Variants in NOX4 observed in about 807,000 individuals in gnomAD.
The protein encoded by NOX4 is kidney oxidase-1.
NOX4 carries 69 observed loss-of-function variants against 87.6 expected under a neutral mutation model. That is an observed-to-expected ratio of 0.79 (90% CI 0.65 to 0.96). The LOEUF (loss-of-function observed/expected upper bound fraction) is 0.96. Among genes scored for constraint, NOX4 ranks in the 40% least tolerant of loss-of-function variants. The pLI is 0.00. For missense variants in NOX4, 680 were observed against 681.5 expected (o/e 1.00, Z 0.02); for synonymous variants, 275 against 238.2 (o/e 1.15, Z -1.42).
chr11:89,351,305 G>C (rs1351950509), intron 13 of NOX4, among the ~76,000 whole-genome samples: 3 of 152,220 alleles, frequency 2.0e-5, no homozygotes, highest in Non-Finnish European at 2.9e-5. Flanking sequence ...TCTGAAGCTA[G>C]AAGAAGTGGT....
intron 2 of NOX4, among the ~76,000 whole-genome samples, chr11:89,469,215 T>A (rs1945827466): frequency 6.6e-6 from 1 of 152,136 alleles, no homozygotes; most frequent in South Asian, 2.1e-4. Flanking sequence ...TAAGGGAACA[T>A]AAGATGATAT....
intron 11 of NOX4, among the ~76,000 whole-genome samples, chr11:89,390,763 C>T (rs761611150): frequency 3.9e-5 from 6 of 152,086 alleles, no homozygotes; most frequent in East Asian, 1.9e-4. Context: ...CCACAAATTG[C>T]GTCTATTTGT....
chr11:89,415,080 T>G (rs1942686172), intron 8 of NOX4, among the ~76,000 whole-genome samples: 1 of 152,020 alleles, frequency 6.6e-6, no homozygotes, highest in South Asian at 2.1e-4. Flanking sequence ...TTACTTAATT[T>G]AATCTTTCAT....
chr11:89,460,574 C>T (rs909223198), intron 2 of NOX4, among the ~76,000 whole-genome samples: 5 of 152,154 alleles, frequency 3.3e-5, no homozygotes, highest in Non-Finnish European at 7.3e-5. Context: ...TCATCACTGG[C>T]CATCAGAGAA....
chr11:89,434,651 T>C (rs934166620), intron 6 of NOX4, among the ~76,000 whole-genome samples: 1 of 152,040 alleles, frequency 6.6e-6, no homozygotes, highest in Non-Finnish European at 1.5e-5. Context: ...CAAAGACTTG[T>C]TTAAGAATGT....
intron 8 of NOX4, among the ~76,000 whole-genome samples, chr11:89,405,699 C>G (rs928135882): frequency 4.8e-5 from 7 of 146,478 alleles, no homozygotes. Flanking sequence ...TGAAAGTTCA[C>G]TGGAAGGCAG....
intron 8 of NOX4, among the ~76,000 whole-genome samples, chr11:89,408,164 G>T (rs2135213692): frequency 1.3e-5 from 2 of 152,148 alleles, no homozygotes; most frequent in South Asian, 2.1e-4. Context: ...AAAGTCAAGG[G>T]TTTATCCTGC....
intron 6 of NOX4, 45 bp from the exon 7 acceptor site, chr11:89,432,901 G>C: frequency 7.7e-7 from 1 of 1,293,160 alleles, no homozygotes; most frequent in East Asian, 2.4e-5. Context: ...ATCATAGTGA[G>C]AAAAAAATAC....
chr11:89,451,729 G>C (rs959384367), intron 3 of NOX4, 56 bp downstream of exon 3: 4 of 1,171,604 alleles, frequency 3.4e-6, no homozygotes, highest in Non-Finnish European at 3.9e-6. Flanking sequence ...ACTAACATGC[G>C]ACTGTTACAC....
chr11:89,422,593 T>A (rs77722659), intron 7 of NOX4, among the ~76,000 whole-genome samples: 5,454 of 152,150 alleles, frequency 0.036, 322 homozygotes, highest in African/African-American at 0.12. Flanking sequence ...TCATATATCC[T>A]GGGTGGATTT....
chr11:89,564,158 C>T, the NOX4 span, among the ~76,000 whole-genome samples: 10 of 152,064 alleles, frequency 6.6e-5, no homozygotes, highest in African/African-American at 2.4e-4. Context: ...AATTGCAAAT[C>T]CTGAACTGTA....
rs780342497 is a variant in NOX4, at chr11:89,449,431, C to T, written c.349+9G>A. The T allele has an allele frequency of 3.8e-6, 6 of 1,569,018 alleles. No homozygotes were observed. The Middle Eastern group carries it at 5.1e-4, about 133-fold the overall frequency. On this transcript the variant is annotated intron_variant, in intron 4 of 17. Coordinates refer to ENST00000263317, the MANE Select transcript of NOX4 (RefSeq NM_016931.5). ...TAACAAATTATTTAATATCTTGTGG[C>T]TTTCTCACCTGAGAAAATACAGATA... is the stretch of plus-strand genomic sequence containing the variant.
chr11:89,543,474 G>A, the NOX4 span, among the ~76,000 whole-genome samples: 2 of 151,912 alleles, frequency 1.3e-5, no homozygotes, highest in Non-Finnish European at 2.9e-5. Flanking sequence ...AGAGAAGACT[G>A]GATTTTAGCT....
rs1049962970 is a variant in NOX4, at chr11:89,325,659, A to T, written c.*1097T>A. The T allele has an allele frequency of 1.3e-5, 2 of 152,080 alleles. No homozygotes were observed. Among genetic ancestry groups the T allele is most frequent in the African/African-American group, 4.8e-5 (2 of 41,412 alleles). The allele number at this position is 152,080 out of a possible 1,614,324, so 9.4% of individuals were successfully genotyped here. A position where few individuals can be genotyped will look rare whatever the true frequency, so the allele number is the denominator to read the frequency against. The stretch of plus-strand genomic sequence containing the variant: ...TAAAATACAGGTTTTACTGTTCAGG[A>T]ATATGACTAGACTTTCAATGTCTCC... On this transcript the variant is annotated 3_prime_UTR_variant, in exon 18 of 18. Coordinates refer to ENST00000263317, the MANE Select transcript of NOX4 (RefSeq NM_016931.5).
the NOX4 span, among the ~76,000 whole-genome samples, chr11:89,527,025 G>A: frequency 6.6e-6 from 1 of 152,144 alleles, no homozygotes; most frequent in East Asian, 1.9e-4. Flanking sequence ...TCCAGACTGA[G>A]GTGATCTCAG....
At chr11:89,534,292 T>C in the NOX4 span, among the ~76,000 whole-genome samples, 1 of 152,226 alleles carries the variant, frequency 6.6e-6, no homozygotes, top group Non-Finnish European at 1.5e-5. Context: ...TCAGGTAATG[T>C]CAGAAACAAG....
intron 11 of NOX4, among the ~76,000 whole-genome samples, chr11:89,389,074 A>G (rs937821192): frequency 6.6e-6 from 1 of 152,168 alleles, no homozygotes; most frequent in Non-Finnish European, 1.5e-5. Context: ...AAAATCCATG[A>G]TCTGATACTA....
At chr11:89,518,373 T>TGG in the NOX4 span, among the ~76,000 whole-genome samples, 2 of 101,932 alleles carry the variant, frequency 2.0e-5, no homozygotes, top group African/African-American at 1.0e-4. Context: ...CAGAAAGTCT[T>TGG]GGGGGGGGGA....
At chr11:89,525,139 T>C in the NOX4 span, among the ~76,000 whole-genome samples, 1 of 152,188 alleles carries the variant, frequency 6.6e-6, no homozygotes, top group South Asian at 2.1e-4. Flanking sequence ...TTTGGAATTA[T>C]TACAAATAAA....
Sources: gnomAD v4.1 joint callset for allele counts (sites outside exome capture counted in the v4.1 genomes callset) on GRCh38, gnomAD v4.1.1 for gene constraint, MANE v1.5 for transcripts, NCBI Gene and HGNC (gene_info 2026-07-23, HGNC 2026-07-21) for gene names.